Variants in RHPN2 observed in about 807,000 individuals in gnomAD.
The protein encoded by RHPN2 is rhophilin Rho GTPase binding protein 2.
In RHPN2, 40 loss-of-function variants were observed where a neutral mutation model predicts 79.0. The observed-to-expected ratio is 0.51, with a 90% CI of 0.39 to 0.66. The LOEUF (loss-of-function observed/expected upper bound fraction) is 0.66. RHPN2 is among the 30% of genes least tolerant of loss of function. The probability of loss-of-function intolerance (pLI) is 0.00; values close to 1 mark genes in which losing one functional copy is unlikely to be tolerated. For synonymous variants in RHPN2, 285 were observed against 363.5 expected (o/e 0.78, Z 2.46); for missense variants, 686 against 883.5 (o/e 0.78, Z 2.83).
Position 33,011,705 on chromosome 19 carries a change from T to C in RHPN2, c.567A>G (p.Thr189=), listed in dbSNP as rs952304335. 1.2e-6 allele frequency: 2 copies of C among 1,613,394 alleles called. No homozygotes were observed. The highest frequency in any genetic ancestry group is 1.3e-5 in the African/African-American group (1 of 74,874). Residue 189 remains threonine, a synonymous_variant, in exon 6 of 15, where the codon ACA becomes ACG. Coordinates refer to ENST00000254260, the MANE Select transcript of RHPN2 (RefSeq NM_033103.5). Reference sequence around the variant, plus strand: ...AGGTGAACAGGAGTCCCATCTGCCGTGTGGGCGGGAAGAATCGACTCTCGA... The same window carrying C: ...AGGTGAACAGGAGTCCCATCTGCCGCGTGGGCGGGAAGAATCGACTCTCGA... The part of the protein sequence containing the change: ...GFVESRFFPP[T]RQMGLLFTWY...
intron 11 of RHPN2, among the ~76,000 whole-genome samples, chr19:32,995,239 AT>A (rs1222304361): frequency 6.7e-6 from 1 of 149,798 alleles, no homozygotes; most frequent in Non-Finnish European, 1.5e-5. Context: ...CACCTGATGA[AT>A]TTTTTTTTTA....
chr19:32,980,360 C>G, intron 14 of RHPN2, 104 bp from the exon 15 acceptor site: 1 of 1,362,468 alleles, frequency 7.3e-7, no homozygotes, highest in Non-Finnish European at 1.0e-6. Flanking sequence ...GTAATCCCAA[C>G]AGTTTGGGAG....
intron 14 of RHPN2, among the ~76,000 whole-genome samples, chr19:32,987,823 A>G (rs1443884613): frequency 2.0e-5 from 3 of 152,144 alleles, no homozygotes; most frequent in Non-Finnish European, 2.9e-5. Flanking sequence ...CATCTGGAAC[A>G]TTCAAAACAT....
chr19:32,988,464 C>G (rs1971628820), intron 14 of RHPN2, among the ~76,000 whole-genome samples: 1 of 152,186 alleles, frequency 6.6e-6, no homozygotes, highest in South Asian at 2.1e-4. Context: ...CCAGCCTGGA[C>G]AAGTGCCATG....
intron 14 of RHPN2, among the ~76,000 whole-genome samples, chr19:32,988,850 A>G (rs1468788163): frequency 6.6e-6 from 1 of 152,074 alleles, no homozygotes; most frequent in Non-Finnish European, 1.5e-5. Context: ...TTTCCTTTAC[A>G]GCACTTATCA....
rs200623446 is a variant in RHPN2 at position 33,002,294 on chromosome 19, G to C, written c.1058C>G (p.Ala353Gly). The change falls in exon 9 of 15, where the codon GCG becomes GGG. Residue 353 changes from alanine to glycine, a missense_variant. Coordinates refer to ENST00000254260, the MANE Select transcript of RHPN2 (RefSeq NM_033103.5). Reference protein sequence around the residue: ...SLACVKAHHYAALAHYFTAIL... With the variant: ...SLACVKAHHYGALAHYFTAIL... The stretch of plus-strand genomic sequence containing the variant: ...GGCAGTGAAGTAGTGGGCCAGGGCC[G>C]CGTAGTGGTGGGCCTTCACGCAGGC... The C allele has an allele frequency of 6.2e-7, 1 of 1,610,790 alleles. No homozygotes were observed. Among genetic ancestry groups the C allele is most frequent in the Non-Finnish European group, 8.5e-7 (1 of 1,177,886 alleles).
chr19:33,036,978 C>T (rs1046853777), intron 2 of RHPN2, among the ~76,000 whole-genome samples: 27 of 152,142 alleles, frequency 1.8e-4, no homozygotes, highest in African/African-American at 6.3e-4. Context: ...CAAGGGCTGA[C>T]GAGTGCGGGC....
At chr19:33,015,680 A>C (rs1237760654) in intron 4 of RHPN2, among the ~76,000 whole-genome samples, 4 of 152,224 alleles carry the variant, frequency 2.6e-5, no homozygotes, top group Non-Finnish European at 4.4e-5. Context: ...CAAAGAATTT[A>C]ACACATGAAA....
chr19:33,003,235 A>G (rs913984896), intron 7 of RHPN2, among the ~76,000 whole-genome samples: 7 of 151,518 alleles, frequency 4.6e-5, no homozygotes, highest in African/African-American at 1.7e-4. Context: ...GTGTGCGACT[A>G]TAGTCTCAGC....
rs144820749 is a variant in RHPN2 at position 33,002,929 on chromosome 19, C to T, written c.832G>A (p.Val278Met). The T allele has an allele frequency of 2.9e-3, 4,749 of 1,613,846 alleles. 102 individuals carry two copies. In the African/African-American group the frequency reaches 0.055, roughly 19 times the overall value. Reference protein sequence around the residue: ...SYDMSPAMLSVLVKMMLAQAQ... With the variant: ...SYDMSPAMLSMLVKMMLAQAQ... ...TGTGCAAGCATCATTTTGACGAGCACGCTGAGCATGGCAGGGCTCATGTCG... is the reference window on the plus strand; with the variant it reads ...TGTGCAAGCATCATTTTGACGAGCATGCTGAGCATGGCAGGGCTCATGTCG... The change falls in exon 8 of 15, where the codon GTG becomes ATG. Residue 278 changes from valine (V) to methionine (M), a missense_variant. By Grantham distance (21) the Val-to-Met change is conservative. Coordinates refer to ENST00000254260, the MANE Select transcript of RHPN2 (RefSeq NM_033103.5).
chr19:33,003,055 G>A lies in RHPN2; in HGVS notation c.761-55C>T, dbSNP rs1052439578. The stretch of plus-strand genomic sequence containing the variant: ...TTCGGGTTCATATTTACTTCATCAC[G>A]TTGCTATAGAGAAAGATAGGAGGCC... On this transcript the variant is annotated intron_variant, in intron 7 of 14. Coordinates refer to ENST00000254260, the MANE Select transcript of RHPN2 (RefSeq NM_033103.5). 1.5e-5 allele frequency: 23 copies of A among 1,530,476 alleles called. No homozygotes were observed. In the African/African-American group the frequency reaches 1.8e-4, roughly 12 times the overall value. The allele number at this position is 1,530,476 out of a possible 1,614,324, so 94.8% of individuals were successfully genotyped here. A position where few individuals can be genotyped will look rare whatever the true frequency, so the allele number is the denominator to read the frequency against.
intron 14 of RHPN2, among the ~76,000 whole-genome samples, chr19:32,984,529 G>GCAT (rs1971600379): frequency 6.6e-6 from 1 of 151,866 alleles, no homozygotes; most frequent in Non-Finnish European, 1.5e-5. Context: ...CATCGTGGTG[G>GCAT]GTGCATGTAA....
At chr19:32,985,414 T>C (rs1459766181) in intron 14 of RHPN2, among the ~76,000 whole-genome samples, 1 of 152,130 alleles carries the variant, frequency 6.6e-6, no homozygotes, top group Non-Finnish European at 1.5e-5. Context: ...GGTAGGCGGA[T>C]TGCTTGAGCT....
Position 32,994,026 on chromosome 19 carries a change from A to G in RHPN2, c.1448T>C (p.Ile483Thr), listed in dbSNP as rs1454071376. The G allele has an allele frequency of 6.8e-6, 11 of 1,613,080 alleles. No individual in the cohort carries two copies. Among genetic ancestry groups the G allele is most frequent in the Non-Finnish European group, 8.5e-6 (10 of 1,179,240 alleles). Residue 483 changes from isoleucine (I) to threonine (T), a missense_variant, in exon 12 of 15, where the codon ATA (isoleucine) becomes ACA (threonine). Physicochemically the swap from Ile to Thr is moderately conservative, Grantham distance 89. Transcript: ENST00000254260. ...VAKTEQEVDI[I>T]LPQFSKLTVT... is the part of the protein sequence containing the mutation. ...TGTCAGCTTGGAGAACTGGGGCAAT[A>G]TAATGTCAACCTCTTGCTCAGTTTT...
At chr19:33,030,391 G>A (rs967396348) in intron 2 of RHPN2, among the ~76,000 whole-genome samples, 2 of 152,046 alleles carry the variant, frequency 1.3e-5, no homozygotes, top group African/African-American at 2.4e-5. Context: ...CCAAGAATTC[G>A]AGATCAGTCT....
At chr19:33,005,640 A>C (rs1273051224) in intron 7 of RHPN2, among the ~76,000 whole-genome samples, 2 of 142,396 alleles carry the variant, frequency 1.4e-5, no homozygotes, top group African/African-American at 5.2e-5. Context: ...TGCCCTGCGG[A>C]GGGATGGCAC....
intron 2 of RHPN2, among the ~76,000 whole-genome samples, chr19:33,040,079 C>G (rs1472422571): frequency 6.6e-6 from 1 of 152,046 alleles, no homozygotes; most frequent in African/African-American, 2.4e-5. Context: ...CCACCTGATC[C>G]CTGTAAACCT....
chr19:33,049,346 C>G lies in RHPN2; in HGVS notation c.70-4982G>C, dbSNP rs1437463828. ...CACCCATACATTTCTCACCCCACCC[C>G]CTATCTTGTGTAATAACGAGACCTT... On this transcript the variant is annotated intron_variant, in intron 1 of 14. Transcript: ENST00000254260. Among the ~76,000 whole-genome samples, 4 of 152,162 alleles carry G rather than the reference C, an allele frequency of 2.6e-5. No individual in the cohort carries two copies. In the East Asian group the frequency reaches 5.8e-4, roughly 22 times the overall value.
At chr19:33,024,297 G>A (rs928388412) in intron 3 of RHPN2, among the ~76,000 whole-genome samples, 2 of 152,134 alleles carry the variant, frequency 1.3e-5, no homozygotes, top group African/African-American at 2.4e-5. Context: ...GCTGGGCATG[G>A]TGGCATGCGC....
Sources: allele counts gnomAD v4.1 joint callset (sites outside exome capture counted in the v4.1 genomes callset), GRCh38; gene constraint gnomAD v4.1.1; transcripts MANE v1.5; gene names NCBI Gene and HGNC (gene_info 2026-07-23, HGNC 2026-07-21).